TIAM1: variants seen among roughly 807,000 people sequenced by gnomAD.
TIAM1 encodes the protein TIAM Rac1 associated GEF 1, also known as rho guanine nucleotide exchange factor TIAM1.
TIAM1 carries 65 observed loss-of-function variants against 163.5 expected under a neutral mutation model. The observed-to-expected ratio is 0.40, with a 90% CI of 0.33 to 0.49. The LOEUF (loss-of-function observed/expected upper bound fraction) is 0.49, where lower values mean the gene tolerates loss of function less well. Ranked by LOEUF, TIAM1 falls within the 20% of genes least tolerant of loss-of-function variation. TIAM1 has a pLI of 0.77. For synonymous variants in TIAM1, 833 were observed against 810.1 expected, an observed-to-expected ratio of 1.03 and a Z score of -0.48; for missense variants, 1,789 against 2,044.7, an observed-to-expected ratio of 0.87 and a Z score of 2.41.
intron 2 of TIAM1, among the ~76,000 whole-genome samples, chr21:31,351,627 C>CA (rs2076235607): frequency 6.6e-6 from 1 of 152,096 alleles, no homozygotes; most frequent in Admixed American, 6.6e-5. Flanking sequence ...CAGCAGCCAG[C>CA]GTCCTCCCAA....
intron 2 of TIAM1, among the ~76,000 whole-genome samples, chr21:31,389,423 G>A (rs1356244355): frequency 2.6e-5 from 4 of 152,132 alleles, no homozygotes; most frequent in Non-Finnish European, 5.9e-5. Flanking sequence ...TGGCCAGGCT[G>A]GTCTGGAACT....
At chr21:31,314,657 T>A (rs2075043877) in intron 2 of TIAM1, among the ~76,000 whole-genome samples, 1 of 152,198 alleles carries the variant, frequency 6.6e-6, no homozygotes, top group Non-Finnish European at 1.5e-5. Context: ...AATTATTTTA[T>A]AAACTCCCAA....
At chr21:31,297,349 C>T (rs1203214147) in intron 2 of TIAM1, among the ~76,000 whole-genome samples, 8 of 152,140 alleles carry the variant, frequency 5.3e-5, no homozygotes, top group Admixed American at 2.0e-4. Flanking sequence ...TTCTGCAAGA[C>T]GAAAAGAGTT....
chr21:31,154,420 C>T lies in TIAM1; in HGVS notation c.2998G>A (p.Glu1000Lys). The T allele has an allele frequency of 6.2e-7, 1 of 1,613,598 alleles. No homozygotes were observed. The highest frequency in any genetic ancestry group is 8.5e-7 in the Non-Finnish European group (1 of 1,179,698). ...DETDHSSKST[E>K]QVAAFCRSLH... The stretch of plus-strand genomic sequence containing the variant: ...CTGCGGCAAAATGCGGCCACCTGTT[C>T]TGTACTCTTCGGAGCACAGGGGGGA... The change falls in exon 17 of 28, where the codon GAA becomes AAA. Residue 1000 changes from glutamate to lysine, a missense_variant. Transcript: ENST00000541036.
Position 31,395,341 on chromosome 21 carries a change from GCCCC to G in TIAM1, c.-368-55923_-368-55920del, listed in dbSNP as rs2077046845. On this transcript the variant is annotated intron_variant, in intron 2 of 28. Transcript: ENST00000286827. This position sits in a 1 kb window ranked among gnomAD's most constrained non-coding sequence, Gnocchi z 7.5. ...GCTACTTCTAGAGAAGTGACAAATGGCCCCACACACAGATCACTGCTTGCCTCCA... is the reference window on the plus strand; with the variant it reads ...GCTACTTCTAGAGAAGTGACAAATGGACACACAGATCACTGCTTGCCTCCA... Among the ~76,000 whole-genome samples, 1 of 151,630 alleles carries G rather than the reference GCCCC, an allele frequency of 6.6e-6. No homozygotes were observed. The highest frequency in any genetic ancestry group is 1.5e-5 in the Non-Finnish European group (1 of 67,730).
chr21:31,491,576 C>G (rs2046470514), intron 1 of TIAM1, among the ~76,000 whole-genome samples: 1 of 152,188 alleles, frequency 6.6e-6, no homozygotes, highest in South Asian at 2.1e-4. Flanking sequence ...CTGTCTGTAA[C>G]TCATCCTAAC....
intron 10 of TIAM1, among the ~76,000 whole-genome samples, chr21:31,212,108 T>C (rs1009601470): frequency 2.0e-5 from 3 of 152,180 alleles, no homozygotes; most frequent in African/African-American, 7.2e-5. Flanking sequence ...GCTCAGACAG[T>C]GGCCATGGAT....
rs367725338 is a variant in TIAM1, at chr21:31,538,887, C to T, written c.-422+20040G>A. On this transcript the variant is annotated intron_variant, in intron 1 of 28. Transcript: ENST00000286827. ...GGTGGGAGGAGGGGCAGCCTGCACG[C>T]ATCGTCCCTGCACGGCCGCTCATTC... Among the ~76,000 whole-genome samples, 5 of 152,234 alleles carry T rather than the reference C, an allele frequency of 3.3e-5. No homozygotes were observed. In the East Asian group the frequency reaches 9.7e-4, roughly 29 times the overall value.
chr21:31,256,593 AC>A lies in TIAM1; in HGVS notation c.964-4405del, dbSNP rs1569115655. Among the ~76,000 whole-genome samples, 744 of 141,198 alleles carry A rather than the reference AC, an allele frequency of 5.3e-3. 4 individuals carry two copies. Among genetic ancestry groups the A allele is most frequent in the African/African-American group, 0.021 (711 of 34,008 alleles). 92.6% of individuals were successfully genotyped at this position (141,198 alleles called of 152,430 possible). On this transcript the variant is annotated intron_variant, in intron 4 of 27. Transcript: ENST00000541036. ...AAATATTAAGTACCCCTCACTACAC[AC>A]ACACACACACACACACACACACACA...
At position 31,386,835 on chromosome 21, in the gene TIAM1, A is replaced by G. The variant is rs527756625; in HGVS notation, c.-368-47413T>C. The stretch of plus-strand genomic sequence containing the variant: ...AATGGCTTTTGCTATTGTTAAAAGA[A>G]TAACTACAGGATACAGGGGCACTGA... On this transcript the variant is annotated intron_variant, in intron 2 of 28. Coordinates refer to the TIAM1 transcript ENST00000286827. Among the ~76,000 whole-genome samples the G allele has an allele frequency of 3.3e-5, 5 of 152,342 alleles. 1 individual carries two copies. The South Asian group carries it at 1.0e-3, about 32-fold the overall frequency.
At position 31,183,685 on chromosome 21, in the gene TIAM1, T is replaced by C. The variant is rs16987903; in HGVS notation, c.2663-1040A>G. 0.017 allele frequency among the ~76,000 whole-genome samples: 2,523 copies of C among 151,946 alleles called. 197 individuals carry two copies. In the East Asian group the frequency reaches 0.25, roughly 15 times the overall value. On this transcript the variant is annotated intron_variant, in intron 14 of 27. Coordinates refer to ENST00000541036, the MANE Select transcript of TIAM1 (RefSeq NM_001353694.2). Reference sequence around the variant, plus strand: ...GACATCCTTATTCAGGTTTCTAAAATATCTGAAATCATTTTTTTTTTTTTT... The same window carrying C: ...GACATCCTTATTCAGGTTTCTAAAACATCTGAAATCATTTTTTTTTTTTTT...
intron 1 of TIAM1, among the ~76,000 whole-genome samples, chr21:31,552,064 T>G (rs2048709703): frequency 8.3e-6 from 1 of 119,804 alleles, no homozygotes; most frequent in African/African-American, 3.0e-5. Context: ...TTTTTTTTTT[T>G]TTTTTTTTTT....
chr21:31,485,431 G>A (rs550413102), intron 1 of TIAM1, among the ~76,000 whole-genome samples: 2 of 152,310 alleles, frequency 1.3e-5, no homozygotes, highest in African/African-American at 4.8e-5. Flanking sequence ...TAAAATTCAT[G>A]TGCTCATTCC....
intron 3 of TIAM1, among the ~76,000 whole-genome samples, chr21:31,271,629 C>G (rs2073060766): frequency 6.6e-6 from 1 of 152,180 alleles, no homozygotes; most frequent in South Asian, 2.1e-4. Flanking sequence ...ATTCTTGCCT[C>G]CAGTTCCTAT....
chr21:31,251,726 G>A lies in TIAM1; in HGVS notation c.1411+16C>T, dbSNP rs1413221431. ...TTGGTGCATTTGGCACATAGCCGGGGCCCTCCCGCTCTCACCTTTCAGGGA... is the reference window on the plus strand; with the variant it reads ...TTGGTGCATTTGGCACATAGCCGGGACCCTCCCGCTCTCACCTTTCAGGGA... On this transcript the variant is annotated intron_variant, in intron 5 of 27. Coordinates refer to ENST00000541036, the MANE Select transcript of TIAM1 (RefSeq NM_001353694.2). The A allele has an allele frequency of 6.4e-7, 1 of 1,559,698 alleles. No individual in the cohort carries two copies. Among genetic ancestry groups the A allele is most frequent in the African/African-American group, 1.4e-5 (1 of 74,000 alleles).
At chr21:31,130,142 G>A (rs975348370) in intron 25 of TIAM1, 71 bp downstream of exon 25, 43 of 1,307,682 alleles carry the variant, frequency 3.3e-5, no homozygotes, top group Admixed American at 3.3e-4. Context: ...CAAGAGTGTG[G>A]ATTCAAACAA....
intron 2 of TIAM1, among the ~76,000 whole-genome samples, chr21:31,423,252 C>T (rs2147263200): frequency 6.6e-6 from 1 of 151,716 alleles, no homozygotes; most frequent in Non-Finnish European, 1.5e-5. Context: ...GCGCCCGCCA[C>T]CACACCTGGC....
intron 4 of TIAM1, among the ~76,000 whole-genome samples, chr21:31,256,324 T>C (rs895683549): frequency 5.9e-5 from 9 of 152,160 alleles, no homozygotes; most frequent in Non-Finnish European, 1.3e-4. Context: ...GTAGAATCAA[T>C]TGGCCACTTG....
intron 11 of TIAM1, among the ~76,000 whole-genome samples, chr21:31,207,950 T>C (rs912173147): frequency 3.9e-5 from 6 of 152,206 alleles, no homozygotes; most frequent in African/African-American, 1.4e-4. Context: ...TTTCTATGTC[T>C]TGGGAAAAAG....
Sources: allele counts gnomAD v4.1 joint callset (sites outside exome capture counted in the v4.1 genomes callset), GRCh38; gene constraint gnomAD v4.1.1; non-coding constraint Gnocchi (gnomAD v3.1); transcripts MANE v1.5; gene names NCBI Gene and HGNC (gene_info 2026-07-23, HGNC 2026-07-21).